YY1AP1: variants seen among roughly 807,000 people sequenced by gnomAD.
YY1AP1 encodes the protein YY1-associated protein 1.
In YY1AP1, 43 loss-of-function variants were observed where a neutral mutation model predicts 39.9. The ratio of observed to expected loss-of-function variants is 1.08; its 90% confidence interval spans 0.84 to 1.39. The LOEUF (loss-of-function observed/expected upper bound fraction) is 1.39. YY1AP1 is among the 40% of genes most tolerant of loss of function. YY1AP1 has a pLI of 0.00. For missense variants in YY1AP1, 813 were observed against 900.7 expected (o/e 0.90, Z 1.25); for synonymous variants, 292 against 331.3 (o/e 0.88, Z 1.29).
chr1:155,676,329 G>T (rs756671866), intron 5 of YY1AP1, among the ~76,000 whole-genome samples: 1 of 152,092 alleles, frequency 6.6e-6, no homozygotes, highest in East Asian at 1.9e-4. Context: ...CTGTAATTCC[G>T]AATACCATTA....
rs566287071 is a variant in YY1AP1, at chr1:155,661,574, T to C, written c.880-151A>G. The C allele has an allele frequency of 7.8e-5, 118 of 1,515,416 alleles. 1 individual carries two copies. The East Asian group carries it at 1.7e-3, about 22-fold the overall frequency. The allele number at this position is 1,515,416 out of a possible 1,614,324, so 93.9% of individuals were successfully genotyped here. ...ACAAGACCACATACACAAACATCCA[T>C]GAACACACATATACGAATAGCATAT... is the stretch of plus-strand genomic sequence containing the variant. On this transcript the variant is annotated intron_variant, in intron 9 of 10. Transcript: ENST00000355499.
Position 155,660,439 on chromosome 1 carries a change from T to C in YY1AP1, c.1471A>G (p.Arg491Gly), listed in dbSNP as rs568673057. 2 of 1,614,158 alleles carry C rather than the reference T, an allele frequency of 1.2e-6. No individual in the cohort carries two copies. The highest frequency in any genetic ancestry group is 1.7e-6 in the Non-Finnish European group (2 of 1,180,032). The change falls in exon 11 of 11, where the codon AGG becomes GGG. Residue 491 changes from arginine (R) to glycine (G), a missense_variant. By Grantham distance (125) the Arg-to-Gly change is moderately radical. Coordinates refer to ENST00000355499, the MANE Select transcript of YY1AP1 (RefSeq NM_139119.3). The stretch of plus-strand genomic sequence containing the variant: ...GACTCAGACAGAGGGAAGCTTGTCC[T>C]GGCCTCAGGGGGCATAGCAGGCAGT... ...AALPAMPPEA[R>G]TSFPLSESQT...
chr1:155,661,410 G>T lies in YY1AP1; in HGVS notation c.893C>A (p.Thr298Asn), dbSNP rs549885951. Reference sequence around the variant, plus strand: ...TTTTCCTAGGACTGGCAGCTGTTTGGTCTTCTTATAAAACTTAACATGAAA... The same window carrying T: ...TTTTCCTAGGACTGGCAGCTGTTTGTTCTTCTTATAAAACTTAACATGAAA... ...PDNIIKFYKK[T>N]KQLPVLGKCC... Residue 298 changes from threonine (T) to asparagine (N), a missense_variant, in exon 10 of 11, where the codon ACC becomes AAC. By Grantham distance (65) the Thr-to-Asn change is moderately conservative. Coordinates refer to ENST00000355499, the MANE Select transcript of YY1AP1 (RefSeq NM_139119.3). The T allele has an allele frequency of 3.1e-6, 5 of 1,613,626 alleles. No homozygotes were observed. Among genetic ancestry groups the T allele is most frequent in the South Asian group, 2.2e-5 (2 of 91,060 alleles).
rs1464980689 is a variant in YY1AP1 at position 155,666,443 on chromosome 1, T to C, written c.879+2184A>G. On this transcript the variant is annotated intron_variant, in intron 9 of 10. Coordinates refer to ENST00000355499, the MANE Select transcript of YY1AP1 (RefSeq NM_139119.3). ...GCCAACAGTCCTTAAAATCTTACAA[T>C]GTAAACCCTGAATACAATCTAACCA... Among the ~76,000 whole-genome samples, 5 of 152,088 alleles carry C rather than the reference T, an allele frequency of 3.3e-5. No individual in the cohort carries two copies. The East Asian group carries it at 5.8e-4, about 18-fold the overall frequency.
chr1:155,681,810 C>T (rs191665831), intron 2 of YY1AP1, among the ~76,000 whole-genome samples: 93 of 150,212 alleles, frequency 6.2e-4, no homozygotes, highest in Middle Eastern at 3.5e-3. Context: ...GGATGTAACA[C>T]GTAAGGATAA....
chr1:155,670,724 G>A, intron 7 of YY1AP1: 1 of 372,272 alleles, frequency 2.7e-6, no homozygotes, highest in South Asian at 2.4e-5. Flanking sequence ...CGCCCAGACT[G>A]GAGTGCGTGG....
chr1:155,685,091 C>T (rs1404271358), intron 2 of YY1AP1, among the ~76,000 whole-genome samples: 1 of 152,130 alleles, frequency 6.6e-6, no homozygotes, highest in Non-Finnish European at 1.5e-5. Flanking sequence ...TGATGTTTAC[C>T]TTCTTTTCAA....
chr1:155,663,098 C>T lies in YY1AP1; in HGVS notation c.880-1675G>A, dbSNP rs573701353. Among the ~76,000 whole-genome samples the T allele has an allele frequency of 7.9e-5, 12 of 152,082 alleles. No homozygotes were observed. The South Asian group carries it at 2.5e-3, about 32-fold the overall frequency. ...TAAACACAAATTACTTCTGGCCAGGCGTGGTGGCTTATGCCTGTAATCCCA... is the reference window on the plus strand; with the variant it reads ...TAAACACAAATTACTTCTGGCCAGGTGTGGTGGCTTATGCCTGTAATCCCA... On this transcript the variant is annotated intron_variant, in intron 9 of 10. Transcript: ENST00000355499.
At position 155,660,268 on chromosome 1, in the gene YY1AP1, T is replaced by C. The variant is rs774218058; in HGVS notation, c.1642A>G (p.Ile548Val). The C allele has an allele frequency of 9.3e-6, 15 of 1,614,076 alleles. No individual in the cohort carries two copies. The highest frequency in any genetic ancestry group is 1.2e-5 in the Non-Finnish European group (14 of 1,180,042). Reference protein sequence around the residue: ...AFRCIKPAPVIHPASVIFTVP... With the variant: ...AFRCIKPAPVVHPASVIFTVP... ...GTGAAGATAACAGATGCAGGGTGGA[T>C]AACAGGGGCAGGTTTGATACAGCGA... is the stretch of plus-strand genomic sequence containing the variant. The change falls in exon 11 of 11, where the codon ATC becomes GTC. Residue 548 changes from isoleucine (I) to valine (V), a missense_variant. Ile to Val is a conservative substitution (Grantham distance 29). Coordinates refer to ENST00000355499, the MANE Select transcript of YY1AP1 (RefSeq NM_139119.3).
chr1:155,680,538 T>C, intron 2 of YY1AP1, 82 bp from the exon 3 acceptor site: 1 of 1,253,530 alleles, frequency 8.0e-7, no homozygotes, highest in Non-Finnish European at 1.2e-6. Flanking sequence ...ATGTATGATG[T>C]TTTCAACAAG....
Position 155,666,487 on chromosome 1 carries a change from T to G in YY1AP1, c.879+2140A>C, listed in dbSNP as rs371278793. On this transcript the variant is annotated intron_variant, in intron 9 of 10. Transcript: ENST00000355499. ...CTAACCAAAATTCTACCATAACTAC[T>G]AGTGAGGAGTTTGGAGAGCAGAAAA... Among the ~76,000 whole-genome samples, 9 of 152,262 alleles carry G rather than the reference T, an allele frequency of 5.9e-5. No individual in the cohort carries two copies. In the South Asian group the frequency reaches 1.9e-3, roughly 32 times the overall value.
Position 155,676,627 on chromosome 1 carries a change from T to C in YY1AP1, c.245A>G (p.Lys82Arg), listed in dbSNP as rs760843239. 25 of 1,614,180 alleles carry C rather than the reference T, an allele frequency of 1.5e-5. No individual in the cohort carries two copies. The highest frequency in any genetic ancestry group is 2.1e-5 in the Non-Finnish European group (25 of 1,180,026). The stretch of plus-strand genomic sequence containing the variant: ...CTGATGAACTTCCTTACACTGGGGT[T>C]TAACCTTCTCTACCTCCTTCTGCTG... ...AKQQKEVEKVKPQCKEVHQTL... is the reference protein window; with the variant it reads ...AKQQKEVEKVRPQCKEVHQTL... Residue 82 changes from lysine to arginine, a missense_variant, in exon 5 of 11, where the codon AAA becomes AGA. Physicochemically the swap from Lys to Arg is conservative, Grantham distance 26 (BLOSUM62 2). Around this residue, in one of 3 missense-constraint regions of YY1AP1, gnomAD observed 196 missense variants for 189.7 expected, o/e 1.03. Transcript: ENST00000355499.
chr1:155,671,597 C>G (rs1649873790), intron 7 of YY1AP1, among the ~76,000 whole-genome samples: 1 of 152,116 alleles, frequency 6.6e-6, no homozygotes, highest in Non-Finnish European at 1.5e-5. Flanking sequence ...ACAATTCAGT[C>G]TCATTCATTT....
At chr1:155,680,670 G>A (rs1007244857) in intron 2 of YY1AP1, among the ~76,000 whole-genome samples, 3 of 152,088 alleles carry the variant, frequency 2.0e-5, no homozygotes, top group Non-Finnish European at 2.9e-5. Flanking sequence ...AGGCTCAAGC[G>A]ATCCTCCCAC....
chr1:155,661,587 A>G (rs539698704), intron 9 of YY1AP1, among the ~76,000 whole-genome samples, 164 bp from the exon 10 acceptor site: 6 of 152,288 alleles, frequency 3.9e-5, no homozygotes, highest in African/African-American at 1.4e-4. Context: ...ACACACATAT[A>G]CGAATAGCAT....
chr1:155,664,813 A>G (rs1284885766), intron 9 of YY1AP1, among the ~76,000 whole-genome samples: 1 of 146,556 alleles, frequency 6.8e-6, no homozygotes, highest in Non-Finnish European at 1.5e-5. Context: ...TCTGTCACCC[A>G]GGCTGGAGTG....
chr1:155,676,562 G>C lies in YY1AP1; in HGVS notation c.310C>G (p.Gln104Glu), dbSNP rs749232831. ...GAAAGTGTTACCTGCTGCATCTGCT[G>C]CTGGAGTCTCTTCCTTTGTGCTGGG... ...LDPAQRKRLQ[Q>E]QMQQHVQLLT... The change falls in exon 5 of 11, where the codon CAG becomes GAG. Residue 104 changes from glutamine (Q) to glutamate (E), a missense_variant. Gln to Glu is a conservative substitution (Grantham distance 29). Transcript: ENST00000355499. 1.9e-6 allele frequency: 3 copies of C among 1,614,178 alleles called. No individual in the cohort carries two copies. The South Asian group carries it at 3.3e-5, about 18-fold the overall frequency.
intron 6 of YY1AP1, among the ~76,000 whole-genome samples, chr1:155,674,411 G>C (rs1650329831): frequency 6.6e-6 from 1 of 151,986 alleles, no homozygotes; most frequent in South Asian, 2.1e-4. Flanking sequence ...GCCTCCCAAA[G>C]TGCTGGAATT....
At chr1:155,667,873 G>A (rs1372847315) in intron 9 of YY1AP1, among the ~76,000 whole-genome samples, 1 of 151,848 alleles carries the variant, frequency 6.6e-6, no homozygotes, top group Non-Finnish European at 1.5e-5. Flanking sequence ...TATAGGCTGG[G>A]CCTGGGCGAC....
Sources: gnomAD v4.1 joint callset for allele counts (sites outside exome capture counted in the v4.1 genomes callset) on GRCh38, gnomAD v4.1.1 for gene constraint, gnomAD v4.1.1 regional missense constraint, MANE v1.5 for transcripts, NCBI Gene and HGNC (gene_info 2026-07-23, HGNC 2026-07-21) for gene names.